The following PTPRG variants were observed in gnomAD, a reference collection of about 807,000 sequenced individuals.
The protein encoded by PTPRG is protein tyrosine phosphatase receptor type G.
A neutral mutation model predicts 165.3 loss-of-function variants in PTPRG; 102 were observed. The ratio of observed to expected loss-of-function variants is 0.62; its 90% confidence interval spans 0.53 to 0.73. The LOEUF is 0.73. PTPRG is among the 30% of genes least tolerant of loss of function. PTPRG has a pLI of 0.00. For synonymous variants in PTPRG, 675 were observed against 669.5 expected (o/e 1.01, Z -0.13); for missense variants, 1,866 against 1,861.4 (o/e 1.00, Z -0.05).
chr3:62,064,584 A>G (rs1426744222), intron 4 of PTPRG, among the ~76,000 whole-genome samples: 1 of 152,088 alleles, frequency 6.6e-6, no homozygotes, highest in African/African-American at 2.4e-5. Flanking sequence ...TGGGGCATAG[A>G]TACTTGAATA....
chr3:62,088,437 C>G (rs565879410), intron 5 of PTPRG, among the ~76,000 whole-genome samples: 3 of 152,196 alleles, frequency 2.0e-5, no homozygotes, highest in East Asian at 3.9e-4. Flanking sequence ...TAATCCCAGT[C>G]CTAAGAACTC....
intron 2 of PTPRG, among the ~76,000 whole-genome samples, chr3:61,915,938 A>G (rs1010390357): frequency 1.3e-5 from 2 of 152,234 alleles, no homozygotes; most frequent in African/African-American, 4.8e-5. Context: ...ATTGCAGCCC[A>G]TTCCTGAATT....
At chr3:61,951,639 G>A (rs1222276823) in intron 2 of PTPRG, among the ~76,000 whole-genome samples, 2 of 152,150 alleles carry the variant, frequency 1.3e-5, no homozygotes, top group Non-Finnish European at 2.9e-5. Flanking sequence ...TTCCGTGTCT[G>A]GTTCTGAGAT....
chr3:61,685,962 ATTAG>A (rs940144913), intron 1 of PTPRG, among the ~76,000 whole-genome samples: 8 of 152,170 alleles, frequency 5.3e-5, no homozygotes, highest in African/African-American at 1.4e-4. Flanking sequence ...GCTTGGAAAG[ATTAG>A]TTACCGCTTG....
intron 2 of PTPRG, among the ~76,000 whole-genome samples, chr3:61,922,313 A>G (rs769293276): frequency 6.6e-6 from 1 of 152,196 alleles, no homozygotes; most frequent in Non-Finnish European, 1.5e-5. Context: ...TTCAACACAC[A>G]TTTCATGAAT....
chr3:61,678,366 A>G (rs1703310862), intron 1 of PTPRG, among the ~76,000 whole-genome samples: 1 of 152,218 alleles, frequency 6.6e-6, no homozygotes, highest in Non-Finnish European at 1.5e-5. Context: ...GTGTTTTACA[A>G]TGTCTGGCGT....
intron 6 of PTPRG, among the ~76,000 whole-genome samples, chr3:62,153,588 C>T (rs1704423483): frequency 6.6e-6 from 1 of 151,800 alleles, no homozygotes; most frequent in Non-Finnish European, 1.5e-5. Context: ...ATGCACAAAA[C>T]ATTAAAGAAA....
intron 2 of PTPRG, among the ~76,000 whole-genome samples, chr3:61,859,651 T>C (rs2107396979): frequency 6.6e-6 from 1 of 152,144 alleles, no homozygotes; most frequent in South Asian, 2.1e-4. Context: ...TTGTTATTTA[T>C]GAGCAAGGAA....
At chr3:62,052,573 T>G (rs1421276914) in intron 4 of PTPRG, among the ~76,000 whole-genome samples, 1 of 152,182 alleles carries the variant, frequency 6.6e-6, no homozygotes, top group Non-Finnish European at 1.5e-5. Flanking sequence ...CATACACCTG[T>G]GGTCCCAGCT....
intron 2 of PTPRG, among the ~76,000 whole-genome samples, chr3:61,851,671 A>C (rs1440116701): frequency 7.9e-5 from 12 of 152,244 alleles, no homozygotes; most frequent in Admixed American, 7.9e-4. Flanking sequence ...TTTAAATTTT[A>C]AAATGCCTGA....
intron 1 of PTPRG, among the ~76,000 whole-genome samples, chr3:61,692,147 A>G (rs1341650005): frequency 6.6e-6 from 1 of 152,154 alleles, no homozygotes; most frequent in African/African-American, 2.4e-5. Context: ...CTGCCCTTCA[A>G]TAGGTGTGGT....
intron 2 of PTPRG, among the ~76,000 whole-genome samples, chr3:61,852,004 G>A (rs950967084): frequency 6.6e-6 from 1 of 152,054 alleles, no homozygotes; most frequent in South Asian, 2.1e-4. Context: ...AGATTTTGAG[G>A]TAATCTCTTA....
At chr3:61,970,739 ATTCTTCTT>A (rs983507841) in intron 2 of PTPRG, among the ~76,000 whole-genome samples, 1 of 152,156 alleles carries the variant, frequency 6.6e-6, no homozygotes, top group Non-Finnish European at 1.5e-5. Flanking sequence ...GTCACATTTA[ATTCTTCTT>A]GGCTTTGAAC....
chr3:62,227,036 G>A (rs769035475), intron 13 of PTPRG, among the ~76,000 whole-genome samples: 4 of 152,188 alleles, frequency 2.6e-5, no homozygotes, highest in Non-Finnish European at 5.9e-5. Context: ...CCGCAAATGT[G>A]TGGGGGATTT....
chr3:61,565,536 C>T (rs762530660), intron 1 of PTPRG, among the ~76,000 whole-genome samples: 27 of 151,956 alleles, frequency 1.8e-4, no homozygotes, highest in Non-Finnish European at 2.9e-4. Flanking sequence ...AATTTAATTG[C>T]CTCTGACACA....
chr3:62,133,064 GTTA>G (rs1703575324), intron 6 of PTPRG, among the ~76,000 whole-genome samples: 2 of 152,160 alleles, frequency 1.3e-5, no homozygotes, highest in African/African-American at 4.8e-5. Flanking sequence ...AGCCAGACAA[GTTA>G]TTAAACTTTG....
chr3:61,773,926 C>T (rs1234299903), intron 2 of PTPRG, among the ~76,000 whole-genome samples: 1 of 152,008 alleles, frequency 6.6e-6, no homozygotes, highest in Non-Finnish European at 1.5e-5. Context: ...AGGCGTGCAC[C>T]ACCACGCGTG....
At chr3:61,835,689 A>G (rs561735175) in intron 2 of PTPRG, among the ~76,000 whole-genome samples, 2 of 152,214 alleles carry the variant, frequency 1.3e-5, no homozygotes, top group East Asian at 3.9e-4. Context: ...GAAGTGTCAC[A>G]TCAGTGGTTC....
At position 61,898,466 on chromosome 3, in the gene PTPRG, T is replaced by C. The variant is rs371461735; in HGVS notation, c.191-91159T>C. The stretch of plus-strand genomic sequence containing the variant: ...TCTGACTTTATCCTTGTTTCTCTTA[T>C]TGTATCTCTAGAGGTTATGCTTTAG... On this transcript the variant is annotated intron_variant, in intron 2 of 29. Transcript: ENST00000474889. 3.3e-5 allele frequency among the ~76,000 whole-genome samples: 5 copies of C among 152,336 alleles called. No homozygotes were observed. In the East Asian group the frequency reaches 5.8e-4, roughly 18 times the overall value.
Sources: gnomAD v4.1 joint callset for allele counts (sites outside exome capture counted in the v4.1 genomes callset) on GRCh38, gnomAD v4.1.1 for gene constraint, MANE v1.5 for transcripts, NCBI Gene and HGNC (gene_info 2026-07-23, HGNC 2026-07-21) for gene names.